CLSTN2: variants seen among roughly 807,000 people sequenced by gnomAD.
CLSTN2 encodes the protein calsyntenin 2.
CLSTN2 carries 48 observed loss-of-function variants against 101.2 expected under a neutral mutation model. The ratio of observed to expected loss-of-function variants is 0.47; its 90% CI spans 0.38 to 0.60. CLSTN2 has a LOEUF of 0.60. Among genes scored for constraint, CLSTN2 ranks in the 20% least tolerant of loss-of-function variants. The pLI is 0.00. For synonymous variants in CLSTN2, 481 were observed against 463.6 expected (o/e 1.04, Z -0.48); for missense variants, 1,160 against 1,238.2 (o/e 0.94, Z 0.95).
intron 2 of CLSTN2, among the ~76,000 whole-genome samples, chr3:140,192,911 T>C (rs2010590214): frequency 1.3e-5 from 2 of 151,982 alleles, no homozygotes; most frequent in Non-Finnish European, 2.9e-5. Context: ...TAGAACTCTA[T>C]ATTGATATAA....
chr3:140,080,543 C>G (rs1360254387), intron 1 of CLSTN2, among the ~76,000 whole-genome samples: 3 of 152,126 alleles, frequency 2.0e-5, no homozygotes, highest in Non-Finnish European at 2.9e-5. Context: ...TTTCTCTGGC[C>G]CTTGAGTCTC....
chr3:140,386,176 G>A (rs1294575675), intron 2 of CLSTN2, among the ~76,000 whole-genome samples: 1 of 152,194 alleles, frequency 6.6e-6, no homozygotes, highest in Non-Finnish European at 1.5e-5. Context: ...AGTATAATCT[G>A]TTATTACTCC....
intron 2 of CLSTN2, among the ~76,000 whole-genome samples, chr3:140,312,397 C>T (rs956802809): frequency 6.6e-6 from 1 of 152,220 alleles, no homozygotes; most frequent in Non-Finnish European, 1.5e-5. Flanking sequence ...ATTATCGCAT[C>T]TGAGGAATCT....
chr3:139,975,739 T>C (rs1174933288), intron 1 of CLSTN2, among the ~76,000 whole-genome samples: 1 of 152,140 alleles, frequency 6.6e-6, no homozygotes, highest in Non-Finnish European at 1.5e-5. Flanking sequence ...AGGGGGTGCT[T>C]GTCCAGTGAA....
At chr3:139,976,275 C>T (rs966786951) in intron 1 of CLSTN2, among the ~76,000 whole-genome samples, 9 of 152,164 alleles carry the variant, frequency 5.9e-5, no homozygotes, top group Non-Finnish European at 1.3e-4. Context: ...TCTCTGGGTC[C>T]ATCCAGGAAT....
intron 1 of CLSTN2, among the ~76,000 whole-genome samples, chr3:140,130,881 C>T (rs1232655771): frequency 6.6e-6 from 1 of 152,188 alleles, no homozygotes; most frequent in Non-Finnish European, 1.5e-5. Flanking sequence ...GTTTAACTGG[C>T]TTCAGCACTG....
chr3:140,295,446 T>G (rs1340903662), intron 2 of CLSTN2, among the ~76,000 whole-genome samples: 1 of 152,190 alleles, frequency 6.6e-6, no homozygotes, highest in Non-Finnish European at 1.5e-5. Flanking sequence ...TACCTCAAAA[T>G]TATAAAAATA....
At chr3:140,547,883 C>T (rs907823412) in intron 10 of CLSTN2, among the ~76,000 whole-genome samples, 6 of 152,224 alleles carry the variant, frequency 3.9e-5, no homozygotes, top group African/African-American at 7.2e-5. Context: ...TCCTGGAGCA[C>T]AGGACAGCCC....
intron 2 of CLSTN2, among the ~76,000 whole-genome samples, chr3:140,394,349 C>T (rs1468140407): frequency 6.6e-6 from 1 of 152,138 alleles, no homozygotes; most frequent in African/African-American, 2.4e-5. Flanking sequence ...AGGCACTGAC[C>T]TGTACTACCT....
chr3:139,942,925 T>C (rs1177443011), intron 1 of CLSTN2, among the ~76,000 whole-genome samples: 2 of 152,116 alleles, frequency 1.3e-5, no homozygotes, highest in African/African-American at 4.8e-5. Context: ...TGTCTCCAGC[T>C]CAAGACCCTC....
intron 2 of CLSTN2, among the ~76,000 whole-genome samples, chr3:140,216,718 A>G (rs2010925497): frequency 1.3e-5 from 2 of 152,192 alleles, no homozygotes; most frequent in South Asian, 4.1e-4. Context: ...TGAAGATTAT[A>G]TGAGATGTAA....
chr3:140,344,603 C>T (rs2087524792), intron 2 of CLSTN2, among the ~76,000 whole-genome samples: 1 of 152,206 alleles, frequency 6.6e-6, no homozygotes. Context: ...CTACCGCACT[C>T]TCTGACTAAT....
intron 1 of CLSTN2, among the ~76,000 whole-genome samples, chr3:139,951,874 A>G (rs903911012): frequency 2.0e-5 from 3 of 152,080 alleles, no homozygotes; most frequent in African/African-American, 7.2e-5. Flanking sequence ...ATAAAATGCT[A>G]TTCTCTTGGA....
chr3:140,559,560 A>AGGGGGGGGGGGGGGG (rs1299690699), intron 12 of CLSTN2, among the ~76,000 whole-genome samples: 3 of 135,568 alleles, frequency 2.2e-5, no homozygotes, highest in African/African-American at 5.7e-5. Flanking sequence ...GGCGGGGGTC[A>AGGGGGGGGGGGGGGG]GGGGGGCGGG....
chr3:140,343,953 C>T (rs2087516922), intron 2 of CLSTN2, among the ~76,000 whole-genome samples: 1 of 152,164 alleles, frequency 6.6e-6, no homozygotes, highest in Admixed American at 6.5e-5. Context: ...GTGCCAGGCA[C>T]GGATGACTAC....
At chr3:140,465,291 T>C (rs932140078) in intron 7 of CLSTN2, among the ~76,000 whole-genome samples, 1 of 152,178 alleles carries the variant, frequency 6.6e-6, no homozygotes, top group East Asian at 1.9e-4. Context: ...CATTAGCAAA[T>C]ATGGCCGCAC....
In CLSTN2 at chr3:139,980,522, G is replaced by T. The variant is rs372163594; in HGVS notation, c.109+45039G>T. ...TCTCTTTCTTGTTCATCAAGAAAAT[G>T]GTTCCAAGAACTAATTTCTTGTCCT... is the stretch of plus-strand genomic sequence containing the variant. On this transcript the variant is annotated intron_variant, in intron 1 of 16. Coordinates refer to ENST00000458420, the MANE Select transcript of CLSTN2 (RefSeq NM_022131.3). 6.9e-4 allele frequency among the ~76,000 whole-genome samples: 105 copies of T among 152,108 alleles called. 2 individuals carry two copies. In the South Asian group the frequency reaches 1.0e-2, roughly 14 times the overall value.
chr3:140,473,272 C>A (rs1035996890), intron 8 of CLSTN2, among the ~76,000 whole-genome samples: 2 of 152,180 alleles, frequency 1.3e-5, no homozygotes, highest in Non-Finnish European at 1.5e-5. Context: ...TACTCTCATG[C>A]CATGTCACCT....
intron 5 of CLSTN2, among the ~76,000 whole-genome samples, chr3:140,434,898 T>A (rs575881484): frequency 4.6e-5 from 7 of 152,216 alleles, no homozygotes; most frequent in Non-Finnish European, 7.4e-5. Flanking sequence ...TTGTATCTTT[T>A]AAAAAAAATT....
Sources: gnomAD v4.1 joint callset for allele counts (sites outside exome capture counted in the v4.1 genomes callset) on GRCh38, gnomAD v4.1.1 for gene constraint, MANE v1.5 for transcripts, NCBI Gene and HGNC (gene_info 2026-07-23, HGNC 2026-07-21) for gene names.